The following MYMK variants were observed in gnomAD, a reference collection of about 807,000 sequenced individuals.
MYMK encodes protein myomaker.
Under a neutral mutation model 22.4 loss-of-function variants are expected in MYMK, and 16 were observed. The observed-to-expected ratio is 0.72, with a 90% CI of 0.48 to 1.09. The LOEUF is 1.09. MYMK is among the 50% of genes least tolerant of loss of function. The pLI is 0.00. For missense variants in MYMK, 250 were observed against 295.6 expected (o/e 0.85, Z 1.13); for synonymous variants, 125 against 127.0 (o/e 0.98, Z 0.11).
intron 3 of MYMK, among the ~76,000 whole-genome samples, chr9:133,517,766 C>T (rs1351042251): frequency 6.6e-6 from 1 of 152,082 alleles, no homozygotes; most frequent in East Asian, 1.9e-4. Context: ...CCTTCATAGG[C>T]CAAATGGCAA....
At chr9:133,521,601 C>T (rs76297721) in intron 1 of MYMK, among the ~76,000 whole-genome samples, 7,562 of 152,236 alleles carry the variant, frequency 0.05, 260 homozygotes, top group Non-Finnish European at 0.073. Flanking sequence ...AAGACTATGC[C>T]GAGCTCTGTG....
intron 3 of MYMK, among the ~76,000 whole-genome samples, chr9:133,517,174 A>G (rs1844642023): frequency 6.6e-6 from 1 of 152,130 alleles, no homozygotes; most frequent in Non-Finnish European, 1.5e-5. Context: ...TCAGGGGCAG[A>G]AGGAGGCGAG....
rs1425044796 is a variant in MYMK at position 133,514,795 on chromosome 9, G to A, written c.517-10C>T. On this transcript the variant is annotated splice_polypyrimidine_tract_variant and intron_variant, in intron 4 of 4. Coordinates refer to ENST00000339996, the MANE Select transcript of MYMK (RefSeq NM_001080483.3). ...AAGTGTAGTCCCAGTCCTGCGGGGG[G>A]CAAGCGGTCAGTCTGGGGCCTCAGC... The A allele has an allele frequency of 1.2e-6, 2 of 1,612,136 alleles. No individual in the cohort carries two copies. The highest frequency in any genetic ancestry group is 2.2e-5 in the South Asian group (2 of 90,928).
intron 3 of MYMK, 73 bp downstream of exon 3, chr9:133,518,801 C>T: frequency 2.6e-6 from 4 of 1,547,434 alleles, no homozygotes; most frequent in East Asian, 2.3e-5. Flanking sequence ...AGATCCGAGG[C>T]AGGAGGAGTC....
At chr9:133,518,199 G>T (rs918649596) in intron 3 of MYMK, among the ~76,000 whole-genome samples, 1 of 152,186 alleles carries the variant, frequency 6.6e-6, no homozygotes, top group African/African-American at 2.4e-5. Flanking sequence ...TAGCTTGGGC[G>T]AGTTTGAGTG....
At chr9:133,519,174 T>C in intron 2 of MYMK, 152 bp from the exon 3 acceptor site, 1 of 937,650 alleles carries the variant, frequency 1.1e-6, no homozygotes, top group South Asian at 1.7e-5. Flanking sequence ...AGCCTGGTCA[T>C]GGAGGGGTCT....
intron 3 of MYMK, among the ~76,000 whole-genome samples, chr9:133,516,414 A>G (rs9330460): frequency 0.97 from 147,632 of 152,248 alleles, 71,592 homozygotes; most frequent in East Asian, 1. Context: ...GTGGGGCCAG[A>G]CCCGTGGGGG....
rs915992414 is a variant in MYMK, at chr9:133,515,356, C to T, written c.516+135G>A. 8 of 675,258 alleles carry T rather than the reference C, an allele frequency of 1.2e-5. No homozygotes were observed. The highest frequency in any genetic ancestry group is 1.1e-4 in the African/African-American group (6 of 55,774). 41.8% of individuals were successfully genotyped at this position (675,258 alleles called of 1,614,324 possible). A position where few individuals can be genotyped will look rare whatever the true frequency, so the allele number is the denominator to read the frequency against. On this transcript the variant is annotated intron_variant, in intron 4 of 4. Coordinates refer to ENST00000339996, the MANE Select transcript of MYMK (RefSeq NM_001080483.3). This position sits in a 1 kb window ranked among gnomAD's most constrained non-coding sequence, Gnocchi z 5.8. ...CATAGCCCTGGGAGGGGCTAGTGAG[C>T]AGGGACTAATACCAGACTTTGGCCT...
intron 3 of MYMK, among the ~76,000 whole-genome samples, chr9:133,518,434 G>C (rs1035801615): frequency 3.9e-5 from 6 of 152,232 alleles, no homozygotes; most frequent in Admixed American, 1.3e-4. Context: ...TTTCCAAGTT[G>C]ATGTTGCATC....
At chr9:133,514,936 G>T in intron 4 of MYMK, 151 bp from the exon 5 acceptor site, 1 of 832,866 alleles carries the variant, frequency 1.2e-6, no homozygotes, top group Non-Finnish European at 1.8e-6. Flanking sequence ...GCTCACAGTG[G>T]TTTTTCTCTC....
intron 1 of MYMK, among the ~76,000 whole-genome samples, chr9:133,523,946 AAGAG>A (rs1171841192): frequency 1.3e-5 from 2 of 151,238 alleles, no homozygotes; most frequent in East Asian, 1.9e-4. Context: ...GAGACCCAGA[AAGAG>A]AGAGAGAGAA....
intron 3 of MYMK, among the ~76,000 whole-genome samples, chr9:133,516,419 T>TG (rs1217031385): frequency 9.9e-5 from 15 of 151,912 alleles, no homozygotes; most frequent in African/African-American, 3.4e-4. Context: ...GCCAGACCCG[T>TG]GGGGGTACAC....
intron 1 of MYMK, among the ~76,000 whole-genome samples, chr9:133,522,744 C>T (rs1324929554): frequency 6.6e-6 from 1 of 152,226 alleles, no homozygotes; most frequent in African/African-American, 2.4e-5. Flanking sequence ...GCAGAGAAAT[C>T]CTGGCTCTGC....
At position 133,521,492 on chromosome 9, in the gene MYMK, A is replaced by G. The variant is rs545923574; in HGVS notation, c.136-1204T>C. On this transcript the variant is annotated intron_variant, in intron 1 of 4. Transcript: ENST00000339996. ...TACTGATGGCAATTGTACACGGCCT[A>G]AAGTGACGGTGCACCTAGGAGGCAT... is the stretch of plus-strand genomic sequence containing the variant. Among the ~76,000 whole-genome samples, 226 of 152,290 alleles carry G rather than the reference A, an allele frequency of 1.5e-3. 1 individual carries two copies. Among genetic ancestry groups the G allele is most frequent in the African/African-American group, 5.2e-3 (215 of 41,570 alleles).
chr9:133,520,293 C>T lies in MYMK; in HGVS notation c.136-5G>A, dbSNP rs747652364. 1 of 1,613,564 alleles carries T rather than the reference C, an allele frequency of 6.2e-7. No homozygotes were observed. The highest frequency in any genetic ancestry group is 1.1e-5 in the South Asian group (1 of 91,058). ...TCCATTGCAGGCATGGTGGAGCTGCCAGAAAACCCACAGGTGGTCACAGCA... is the reference window on the plus strand; with the variant it reads ...TCCATTGCAGGCATGGTGGAGCTGCTAGAAAACCCACAGGTGGTCACAGCA... On this transcript the variant is annotated splice_region_variant and splice_polypyrimidine_tract_variant and intron_variant, in intron 1 of 4. Transcript: ENST00000339996.
At position 133,515,586 on chromosome 9, in the gene MYMK, T is replaced by G. The variant is rs748639045; in HGVS notation, c.421A>C (p.Lys141Gln). The G allele has an allele frequency of 6.2e-7, 1 of 1,613,494 alleles. No individual in the cohort carries two copies. Residue 141 changes from lysine (K) to glutamine (Q), a missense_variant, in exon 4 of 5, where the codon AAG becomes CAG. Coordinates refer to ENST00000339996, the MANE Select transcript of MYMK (RefSeq NM_001080483.3). The surrounding 1 kb of genome is among the most constrained non-coding windows in gnomAD (Gnocchi z 5.8). ...AKWLQKMKEK[K>Q]GLYPDKSVYT... ...ACGCTCTTGTCTGGGTACAGGCCCT[T>G]CTTCTCCTTCATCTTCTGTAGCTGT...
At chr9:133,522,815 C>T (rs1384310978) in intron 1 of MYMK, among the ~76,000 whole-genome samples, 3 of 152,228 alleles carry the variant, frequency 2.0e-5, no homozygotes, top group Non-Finnish European at 4.4e-5. Context: ...GGCTGGAGTC[C>T]CAGAGGAGCG....
At position 133,524,815 on chromosome 9, in the gene MYMK, C is replaced by T; in HGVS notation, c.30G>A (p.Leu10=). The change falls in exon 1 of 5, where the codon CTG becomes CTA. Residue 10 remains leucine (L), a synonymous_variant. Transcript: ENST00000339996. Reference sequence around the variant, plus strand: ...GGAAGGCCAGGCTGCTGAGGGTGGGCAGGAGCAGCTTGGCCACCAGCGTCC... The same window carrying T: ...GGAAGGCCAGGCTGCTGAGGGTGGGTAGGAGCAGCTTGGCCACCAGCGTCC... MGTLVAKLL[L]PTLSSLAFLP... 6.2e-7 allele frequency: 1 copy of T among 1,613,002 alleles called. No homozygotes were observed. Among genetic ancestry groups the T allele is most frequent in the Non-Finnish European group, 8.5e-7 (1 of 1,179,504 alleles).
chr9:133,523,493 T>C (rs1423099396), intron 1 of MYMK, among the ~76,000 whole-genome samples: 3 of 151,916 alleles, frequency 2.0e-5, no homozygotes. Flanking sequence ...CAAGGAAGGC[T>C]TCGGGAGAGC....
Sources: allele counts gnomAD v4.1 joint callset (sites outside exome capture counted in the v4.1 genomes callset), GRCh38; gene constraint gnomAD v4.1.1; non-coding constraint Gnocchi (gnomAD v3.1); transcripts MANE v1.5; gene names NCBI Gene and HGNC (gene_info 2026-07-23, HGNC 2026-07-21).